RAD9A: variants seen among roughly 807,000 people sequenced by gnomAD.
The protein encoded by RAD9A is cell cycle checkpoint control protein RAD9A.
RAD9A carries 25 observed loss-of-function variants against 41.2 expected under a neutral mutation model. The ratio of observed to expected loss-of-function variants is 0.61; its 90% CI spans 0.44 to 0.85. RAD9A has a LOEUF of 0.85. Ranked by LOEUF, RAD9A falls within the 40% of genes least tolerant of loss-of-function variation. RAD9A has a pLI of 0.00. For missense variants in RAD9A, 514 were observed against 518.3 expected (o/e 0.99, Z 0.08); for synonymous variants, 252 against 210.6 (o/e 1.20, Z -1.70).
At chr11:67,397,408 A>C in intron 10 of RAD9A, 22 bp downstream of exon 10, 2 of 1,549,108 alleles carry the variant, frequency 1.3e-6, no homozygotes, top group Non-Finnish European at 1.8e-6. Context: ...AGGTGGAGGC[A>C]GGGGTGGGAG....
Position 67,398,361 on chromosome 11 carries a change from T to TG in RAD9A, c.*807dup, listed in dbSNP as rs1862784948. ...CGCAGGTGCAGGCAGGAAGCAGCCC[T>TG]GGGGGACTGGACGCTGCTATTGATT... On this transcript the variant is annotated 3_prime_UTR_variant, in exon 11 of 11. Coordinates refer to ENST00000307980, the MANE Select transcript of RAD9A (RefSeq NM_004584.3). 1 of 677,560 alleles carries TG rather than the reference T, an allele frequency of 1.5e-6. No homozygotes were observed. Among genetic ancestry groups the TG allele is most frequent in the Non-Finnish European group, 2.4e-6 (1 of 411,018 alleles). 42.0% of individuals were successfully genotyped at this position (677,560 alleles called of 1,614,324 possible).
chr11:67,394,836 G>A (rs17887226), intron 5 of RAD9A, among the ~76,000 whole-genome samples: 1,989 of 151,540 alleles, frequency 0.013, 25 homozygotes, highest in Non-Finnish European at 0.017. Flanking sequence ...GGCTGGTCTT[G>A]AACTCCCGAC....
At chr11:67,394,112 C>T (rs1473678424) in intron 5 of RAD9A, among the ~76,000 whole-genome samples, 1 of 152,234 alleles carries the variant, frequency 6.6e-6, no homozygotes. Flanking sequence ...CATTTCTGGC[C>T]TGCCACCAAA....
In RAD9A at chr11:67,398,328, A is replaced by ACAGT. The variant is rs1862783442; in HGVS notation, c.*772_*775dup. 2 of 597,492 alleles carry ACAGT rather than the reference A, an allele frequency of 3.3e-6. No individual in the cohort carries two copies. Among genetic ancestry groups the ACAGT allele is most frequent in the Non-Finnish European group, 5.8e-6 (2 of 346,644 alleles). 37.0% of individuals were successfully genotyped at this position (597,492 alleles called of 1,614,324 possible). ...CAGCCTCGGCCCCAGGATCCTGCTC[A>ACAGT]CAGTCACCGCAGGTGCAGGCAGGAA... is the stretch of plus-strand genomic sequence containing the variant. On this transcript the variant is annotated 3_prime_UTR_variant, in exon 11 of 11. Transcript: ENST00000307980.
Position 67,397,701 on chromosome 11 carries a change from G to C in RAD9A, c.*142G>C, listed in dbSNP as rs1862756472. 1 of 771,214 alleles carries C rather than the reference G, an allele frequency of 1.3e-6. No individual in the cohort carries two copies. The highest frequency in any genetic ancestry group is 1.8e-5 in the African/African-American group (1 of 56,802). The allele number at this position is 771,214 out of a possible 1,614,324, so 47.8% of individuals were successfully genotyped here. ...GTTTCACTGCCTCTCGCAGGCCCCAGCTGGCTGTCACTGTAAAGCTGTCCC... is the reference window on the plus strand; with the variant it reads ...GTTTCACTGCCTCTCGCAGGCCCCACCTGGCTGTCACTGTAAAGCTGTCCC... On this transcript the variant is annotated 3_prime_UTR_variant, in exon 11 of 11. Transcript: ENST00000307980.
Position 67,393,540 on chromosome 11 carries a change from G to C in RAD9A, c.279G>C (p.Thr93=), listed in dbSNP as rs143304577. 6 of 1,614,078 alleles carry C rather than the reference G, an allele frequency of 3.7e-6. No homozygotes were observed. The African/African-American group carries it at 6.7e-5, about 18-fold the overall frequency. ...GCTCACTGGCGATGCTGGAGAAGAC[G>C]GTGGAAAAATGCTGCATCTCCCTGA... The part of the protein sequence containing the change: ...VFRSLAMLEK[T]VEKCCISLNG... Residue 93 remains threonine, a synonymous_variant, in exon 4 of 11, where the codon ACG becomes ACC. Coordinates refer to ENST00000307980, the MANE Select transcript of RAD9A (RefSeq NM_004584.3).
At chr11:67,397,087 CG>C (rs906976698) in intron 9 of RAD9A, 91 bp from the exon 10 acceptor site, 8 of 909,874 alleles carry the variant, frequency 8.8e-6, no homozygotes, top group Admixed American at 2.0e-5. Flanking sequence ...CTCCAGTGGT[CG>C]GGGGCCCCAG....
At chr11:67,397,154 CCT>C (rs1353909044) in intron 9 of RAD9A, 23 bp from the exon 10 acceptor site, 2 of 1,580,022 alleles carry the variant, frequency 1.3e-6, no homozygotes, top group Admixed American at 1.7e-5. Context: ...CAGTCCCCTC[CCT>C]GATACTCCGA....
chr11:67,394,341 C>A (rs932102606), intron 5 of RAD9A, among the ~76,000 whole-genome samples: 1 of 152,164 alleles, frequency 6.6e-6, no homozygotes, highest in Non-Finnish European at 1.5e-5. Flanking sequence ...CTGGGCAGTC[C>A]GAGCACTGGG....
intron 9 of RAD9A, among the ~76,000 whole-genome samples, chr11:67,396,941 C>T (rs543783290): frequency 6.6e-6 from 1 of 152,200 alleles, no homozygotes; most frequent in Non-Finnish European, 1.5e-5. Flanking sequence ...TAAGGTAGCC[C>T]CCGGGATGCC....
chr11:67,392,943 G>A (rs1862572312), intron 3 of RAD9A, 161 bp downstream of exon 3: 3 of 1,074,892 alleles, frequency 2.8e-6, no homozygotes, highest in East Asian at 2.7e-5. Context: ...GCATCACAGC[G>A]GGGACCTGAG....
chr11:67,392,612 TGCCCC>T, intron 2 of RAD9A, 37 bp from the exon 3 acceptor site: 1 of 1,610,264 alleles, frequency 6.2e-7, no homozygotes, highest in East Asian at 2.2e-5. Context: ...GGTCTGTGGC[TGCCCC>T]CTGACCACGT....
chr11:67,392,135 AC>A (rs773235823), intron 1 of RAD9A, 25 bp from the exon 2 acceptor site: 7 of 1,606,640 alleles, frequency 4.4e-6, no homozygotes, highest in South Asian at 3.3e-5. Flanking sequence ...CGCCAGCCTA[AC>A]CCCCTTCCGC....
rs1411512960 is a variant in RAD9A at position 67,397,690 on chromosome 11, C to T, written c.*131C>T. ...GGAGCTGAGCTGTTTCACTGCCTCT[C>T]GCAGGCCCCAGCTGGCTGTCACTGT... On this transcript the variant is annotated 3_prime_UTR_variant, in exon 11 of 11. Transcript: ENST00000307980. 5.7e-5 allele frequency: 48 copies of T among 839,530 alleles called. No individual in the cohort carries two copies. The East Asian group carries it at 6.9e-4, about 12-fold the overall frequency. The allele number at this position is 839,530 out of a possible 1,614,324, so 52.0% of individuals were successfully genotyped here. A position where few individuals can be genotyped will look rare whatever the true frequency, so the allele number is the denominator to read the frequency against.
In RAD9A at chr11:67,397,558, G is replaced by A. The variant is rs1164981805; in HGVS notation, c.1175G>A (p.Ter392=). The change falls in exon 11 of 11, where the codon TGA becomes TAA. Residue 392 remains the stop codon, a stop_retained_variant. Coordinates refer to ENST00000307980, the MANE Select transcript of RAD9A (RefSeq NM_004584.3). ...VLAEDSEGEG[*] ...GCGGAAGACAGTGAGGGTGAAGGCT[G>A]AACCAAGAACCTGAAGCCTGTACCC... The A allele has an allele frequency of 1.9e-6, 3 of 1,596,024 alleles. No homozygotes were observed. The highest frequency in any genetic ancestry group is 1.7e-5 in the Admixed American group (1 of 59,912).
At position 67,396,330 on chromosome 11, in the gene RAD9A, A is replaced by C; in HGVS notation, c.802A>C (p.Thr268Pro). The change falls in exon 9 of 11, where the codon ACC (threonine) becomes CCC (proline). Residue 268 changes from threonine to proline, a missense_variant. Coordinates refer to ENST00000307980, the MANE Select transcript of RAD9A (RefSeq NM_004584.3). The part of the protein sequence containing the change: ...GHFVLATLSD[T>P]DSHSQDLGSP... ...CTTTGTCTTGGCCACACTCTCAGAC[A>C]CCGACTCGCACTCCCAGGACCTGGG... 6.2e-7 allele frequency: 1 copy of C among 1,613,974 alleles called. No individual in the cohort carries two copies. Among genetic ancestry groups the C allele is most frequent in the Non-Finnish European group, 8.5e-7 (1 of 1,179,992 alleles).
intron 5 of RAD9A, among the ~76,000 whole-genome samples, chr11:67,394,555 C>T (rs1862623854): frequency 6.6e-6 from 1 of 152,084 alleles, no homozygotes; most frequent in African/African-American, 2.4e-5. Context: ...TTTGAGCCAG[C>T]ACTGCTCAGA....
intron 5 of RAD9A, among the ~76,000 whole-genome samples, chr11:67,394,057 C>T (rs1862613203): frequency 6.6e-6 from 1 of 152,216 alleles, no homozygotes; most frequent in African/African-American, 2.4e-5. Flanking sequence ...TCTGACTTGA[C>T]TTTCTGGCTG....
At chr11:67,392,894 G>A in intron 3 of RAD9A, 112 bp downstream of exon 3, 1 of 1,400,112 alleles carries the variant, frequency 7.1e-7, no homozygotes, top group South Asian at 1.3e-5. Context: ...ACACGTGCAA[G>A]CCCAATCCAT....
Sources: gnomAD v4.1 joint callset for allele counts (sites outside exome capture counted in the v4.1 genomes callset) on GRCh38, gnomAD v4.1.1 for gene constraint, MANE v1.5 for transcripts, NCBI Gene and HGNC (gene_info 2026-07-23, HGNC 2026-07-21) for gene names.